PBLD: variants seen among roughly 807,000 people sequenced by gnomAD.
PBLD encodes the protein phenazine biosynthesis like protein domain containing, also known as phenazine biosynthesis-like domain-containing protein.
In PBLD, 26 loss-of-function variants were observed where a neutral mutation model predicts 31.3. The ratio of observed to expected loss-of-function variants is 0.83; its 90% confidence interval spans 0.61 to 1.15. PBLD has a LOEUF of 1.15. Among genes scored for constraint, PBLD ranks in the 50% most tolerant of loss-of-function variants. The probability of loss-of-function intolerance (pLI) is 0.00; values close to 1 mark genes in which losing one functional copy is unlikely to be tolerated. For synonymous variants in PBLD, 114 were observed against 129.0 expected (o/e 0.88, Z 0.79); for missense variants, 307 against 351.7 (o/e 0.87, Z 1.02).
chr10:68,309,390 G>A (rs1164351194), intron 1 of PBLD, among the ~76,000 whole-genome samples: 1 of 107,072 alleles, frequency 9.3e-6, no homozygotes, highest in Non-Finnish European at 1.8e-5. Context: ...CTAGACAACA[G>A]AGTGAGATTA....
chr10:68,315,109 C>G (rs1051993879), intron 1 of PBLD, among the ~76,000 whole-genome samples: 1 of 152,116 alleles, frequency 6.6e-6, no homozygotes, highest in East Asian at 1.9e-4. Flanking sequence ...CTTTATTGAC[C>G]TGAGTCAAAG....
chr10:68,331,926 A>C (rs988888365), intron 1 of PBLD: 1 of 152,252 alleles, frequency 6.6e-6, no homozygotes, highest in African/African-American at 2.4e-5. Flanking sequence ...TGCGCAACCC[A>C]CCACCGCGCA....
chr10:68,311,800 C>T lies in PBLD; in HGVS notation c.-59-4897G>A, dbSNP rs191182404. On this transcript the variant is annotated intron_variant, in intron 1 of 9. Transcript: ENST00000358769. ...ATAACTGATAGAAAGCACTAGGGTG[C>T]CAACATTTGTTGATGGTTTAGCAGG... is the stretch of plus-strand genomic sequence containing the variant. Among the ~76,000 whole-genome samples the T allele has an allele frequency of 2.9e-3, 446 of 151,322 alleles. 3 individuals carry two copies. Among genetic ancestry groups the T allele is most frequent in the African/African-American group, 0.01 (425 of 41,284 alleles).
At chr10:68,319,075 G>A (rs2044785687) in intron 1 of PBLD, among the ~76,000 whole-genome samples, 2 of 120,592 alleles carry the variant, frequency 1.7e-5, no homozygotes, top group Admixed American at 9.1e-5. Context: ...AAGAAAGAAA[G>A]AAAGAAAGAA....
At chr10:68,284,438 A>C in intron 9 of PBLD, 149 bp from the exon 10 acceptor site, 2 of 642,700 alleles carry the variant, frequency 3.1e-6, no homozygotes, top group Non-Finnish European at 5.3e-6. Context: ...GCCCACTCCC[A>C]TCCCCATTCT....
chr10:68,293,473 A>G (rs1250310875), intron 4 of PBLD, among the ~76,000 whole-genome samples: 4 of 152,190 alleles, frequency 2.6e-5, no homozygotes, highest in Non-Finnish European at 1.5e-5. Context: ...ATTTCTGTAA[A>G]ACTTAAACCA....
intron 4 of PBLD, among the ~76,000 whole-genome samples, chr10:68,293,925 A>C (rs2044391994): frequency 6.6e-6 from 1 of 152,154 alleles, no homozygotes; most frequent in Non-Finnish European, 1.5e-5. Flanking sequence ...CAGTGAGCCA[A>C]GATCTTGCCA....
chr10:68,284,310 A>G (rs759182117), intron 9 of PBLD, 21 bp from the exon 10 acceptor site: 8 of 1,579,214 alleles, frequency 5.1e-6, no homozygotes, highest in Non-Finnish European at 6.1e-6. Flanking sequence ...CAAACAGGTC[A>G]AATTAAGAGT....
At chr10:68,293,595 C>T (rs2044386794) in intron 4 of PBLD, among the ~76,000 whole-genome samples, 1 of 152,200 alleles carries the variant, frequency 6.6e-6, no homozygotes, top group Non-Finnish European at 1.5e-5. Flanking sequence ...ACATTATTTA[C>T]AAAGCATTTT....
chr10:68,288,559 AC>A lies in PBLD; in HGVS notation c.614del (p.Gly205ValfsTer25). On this transcript the variant is annotated frameshift_variant, in exon 8 of 10. Coordinates refer to ENST00000358769, the MANE Select transcript of PBLD (RefSeq NM_022129.4). LOFTEE classifies it high-confidence loss of function. Reference protein sequence around the residue: ...GLILTLKGEPGGQTQAFDFYS... With the variant: ...GLILTLKGEPXGQTQAFDFYS... ...AAAAGTCAAATGCTTGGGTCTGCCCACCAGGCTCTCCTTTAAGGGTAAGAAT... is the reference window on the plus strand; with the variant it reads ...AAAAGTCAAATGCTTGGGTCTGCCCACAGGCTCTCCTTTAAGGGTAAGAAT... 1 of 1,614,238 alleles carries A rather than the reference AC, an allele frequency of 6.2e-7. No homozygotes were observed. The highest frequency in any genetic ancestry group is 2.2e-5 in the East Asian group (1 of 44,890).
intron 1 of PBLD, chr10:68,331,911 A>T (rs1381878843): frequency 6.6e-6 from 1 of 152,224 alleles, no homozygotes; most frequent in African/African-American, 2.4e-5. Context: ...CTCGCCCCCA[A>T]CAGCTGCGCA....
chr10:68,297,025 C>T, intron 2 of PBLD, 40 bp from the exon 3 acceptor site: 4 of 1,466,596 alleles, frequency 2.7e-6, no homozygotes, highest in Non-Finnish European at 3.8e-6. Context: ...TTCAAAAACA[C>T]AGATCAGACT....
intron 1 of PBLD, among the ~76,000 whole-genome samples, chr10:68,313,065 C>A (rs543069796): frequency 6.6e-6 from 1 of 152,176 alleles, no homozygotes; most frequent in Admixed American, 6.5e-5. Context: ...CAAGCATGCA[C>A]CACCACGCCT....
rs1472357976 is a variant in PBLD at position 68,328,158 on chromosome 10, TCA to T, written c.-60+4624_-60+4625del. Among the ~76,000 whole-genome samples the T allele has an allele frequency of 8.5e-5, 13 of 152,346 alleles. No individual in the cohort carries two copies. The East Asian group carries it at 2.5e-3, about 29-fold the overall frequency. On this transcript the variant is annotated intron_variant, in intron 1 of 9. Coordinates refer to ENST00000358769, the MANE Select transcript of PBLD (RefSeq NM_022129.4). The stretch of plus-strand genomic sequence containing the variant: ...GGATATAAACCAAAGAATAAGCATT[TCA>T]CAGTCTTACACAAATTTAGTGTTTA...
Position 68,296,319 on chromosome 10 carries a change from G to A in PBLD, c.230C>T (p.Pro77Leu), listed in dbSNP as rs1368856891. The A allele has an allele frequency of 1.2e-6, 2 of 1,613,994 alleles. No homozygotes were observed. Among genetic ancestry groups the A allele is most frequent in the African/African-American group, 2.7e-5 (2 of 74,948 alleles). Residue 77 changes from proline (P) to leucine (L), a missense_variant, in exon 4 of 10, where the codon CCA (proline) becomes CTA (leucine). By Grantham distance (98) the Pro-to-Leu change is moderately conservative (BLOSUM62 -3). Transcript: ENST00000358769. Reference sequence around the variant, plus strand: ...AGCCAGGGTGGCATGGCCACAGAGTGGGACCTCACTCGCTGGTGTAAACCA... The same window carrying A: ...AGCCAGGGTGGCATGGCCACAGAGTAGGACCTCACTCGCTGGTGTAAACCA... ...LRWFTPASEV[P>L]LCGHATLASA...
chr10:68,296,908 G>A lies in PBLD; in HGVS notation c.162C>T (p.His54=). Reference sequence around the variant, plus strand: ...TACTTTGTGCAAAGTTGTCTGTCGGGTGCAGTTTTCGGATAAAAGCAGTTT... The same window carrying A: ...TACTTTGTGCAAAGTTGTCTGTCGGATGCAGTTTTCGGATAAAAGCAGTTT... ...LSETAFIRKL[H]PTDNFAQSSC... The change falls in exon 3 of 10, where the codon CAC becomes CAT. Residue 54 remains histidine (H), a synonymous_variant. Coordinates refer to ENST00000358769, the MANE Select transcript of PBLD (RefSeq NM_022129.4). 6.2e-7 allele frequency: 1 copy of A among 1,613,636 alleles called. No homozygotes were observed.
At chr10:68,308,882 T>TGTGTGTGTGTGTGTG (rs1480555644) in intron 1 of PBLD, among the ~76,000 whole-genome samples, 8 of 57,942 alleles carry the variant, frequency 1.4e-4, no homozygotes, top group South Asian at 6.3e-4. Flanking sequence ...GTGTGTGTGT[T>TGTGTGTGTGTGTGTG]TGTGTGTGTG....
Position 68,324,746 on chromosome 10 carries a change from C to G in PBLD, c.-60+8038G>C, listed in dbSNP as rs193262819. Among the ~76,000 whole-genome samples, 989 of 152,072 alleles carry G rather than the reference C, an allele frequency of 6.5e-3. 13 individuals carry two copies. Among genetic ancestry groups the G allele is most frequent in the African/African-American group, 0.023 (938 of 41,502 alleles). The stretch of plus-strand genomic sequence containing the variant: ...TCTCCTGCCTCAGCCTCCCAAGTAG[C>G]TGAGATTACAGGCATGTGCCACTAT... On this transcript the variant is annotated intron_variant, in intron 1 of 9. Coordinates refer to ENST00000358769, the MANE Select transcript of PBLD (RefSeq NM_022129.4).
rs1390008560 is a variant in PBLD, at chr10:68,296,154, T to C, written c.283+112A>G. The C allele has an allele frequency of 3.9e-6, 3 of 768,464 alleles. No individual in the cohort carries two copies. In the East Asian group the frequency reaches 8.1e-5, roughly 21 times the overall value. 47.6% of individuals were successfully genotyped at this position (768,464 alleles called of 1,614,324 possible). On this transcript the variant is annotated intron_variant, in intron 4 of 9. Transcript: ENST00000358769. ...ATTATGAATAGCATGAAGTAAACTC[T>C]GCAGAGTCTTTATACCAGTCACTTT...
Sources: gnomAD v4.1 joint callset for allele counts (sites outside exome capture counted in the v4.1 genomes callset) on GRCh38, gnomAD v4.1.1 for gene constraint, MANE v1.5 for transcripts, NCBI Gene and HGNC (gene_info 2026-07-23, HGNC 2026-07-21) for gene names.